The following GRIA4 variants were observed in gnomAD, a reference collection of about 807,000 sequenced individuals.
GRIA4 encodes glutamate receptor 4.
In GRIA4, 34 loss-of-function variants were observed where a neutral mutation model predicts 104.0. That is an observed-to-expected ratio of 0.33 (90% CI 0.25 to 0.44). The LOEUF (loss-of-function observed/expected upper bound fraction) is 0.44. GRIA4 is among the 20% of genes least tolerant of loss of function. GRIA4 has a pLI of 1.00. For missense variants in GRIA4, 750 were observed against 1,096.5 expected (o/e 0.68, Z 4.46); for synonymous variants, 386 against 381.9 (o/e 1.01, Z -0.13).
At chr11:105,655,087 A>G (rs1951802074) in intron 3 of GRIA4, among the ~76,000 whole-genome samples, 1 of 152,204 alleles carries the variant, frequency 6.6e-6, no homozygotes, top group Non-Finnish European at 1.5e-5. Flanking sequence ...ATATCCACAT[A>G]ACATAATTCT....
At chr11:105,765,956 A>G (rs1045409739) in intron 4 of GRIA4, among the ~76,000 whole-genome samples, 5 of 152,226 alleles carry the variant, frequency 3.3e-5, no homozygotes, top group African/African-American at 1.2e-4. Flanking sequence ...TGAAATTTGC[A>G]TAGTATGAAA....
At chr11:105,614,281 A>G (rs570082534) in intron 3 of GRIA4, 5 of 151,918 alleles carry the variant, frequency 3.3e-5, no homozygotes, top group Admixed American at 2.6e-4. Flanking sequence ...TAAATATTCT[A>G]AAGTTTGTAT....
At chr11:105,830,343 C>T (rs927980632) in intron 4 of GRIA4, among the ~76,000 whole-genome samples, 7 of 151,944 alleles carry the variant, frequency 4.6e-5, no homozygotes, top group East Asian at 1.9e-4. Flanking sequence ...TGAAAGTGGA[C>T]GTGGGAATTG....
At position 105,974,400 on chromosome 11, in the gene GRIA4, A is replaced by T. The variant is rs762181835; in HGVS notation, c.2500A>T (p.Ile834Leu). 6.2e-7 allele frequency: 1 copy of T among 1,613,958 alleles called. No individual in the cohort carries two copies. The highest frequency in any genetic ancestry group is 8.5e-7 in the Non-Finnish European group (1 of 1,179,886). ...GLGLAMLVALIEFCYKSRAEA... is the reference protein window; with the variant it reads ...GLGLAMLVALLEFCYKSRAEA... ...GGGCTTGGCAATGCTGGTGGCTTTG[A>T]TAGAGTTCTGTTACAAGTCCAGGGC... Residue 834 changes from isoleucine (I) to leucine (L), a missense_variant, in exon 16 of 17, where the codon ATA becomes TTA. Transcript: ENST00000282499.
chr11:105,969,852 A>G (rs1013439762), intron 14 of GRIA4, among the ~76,000 whole-genome samples: 22 of 152,152 alleles, frequency 1.4e-4, no homozygotes, highest in African/African-American at 5.3e-4. Context: ...TAGAGCACCT[A>G]CTCTGAGTCA....
At chr11:105,826,538 TGATA>T (rs1239474772) in intron 4 of GRIA4, among the ~76,000 whole-genome samples, 1 of 152,094 alleles carries the variant, frequency 6.6e-6, no homozygotes, top group Non-Finnish European at 1.5e-5. Flanking sequence ...AGGTTTGTCA[TGATA>T]GATTGCAGGA....
intron 3 of GRIA4, among the ~76,000 whole-genome samples, chr11:105,632,936 A>G (rs939151636): frequency 1.3e-5 from 2 of 152,198 alleles, no homozygotes; most frequent in African/African-American, 4.8e-5. Context: ...GCACATTTCA[A>G]TGGCTGATGG....
intron 3 of GRIA4, among the ~76,000 whole-genome samples, chr11:105,637,672 TC>T (rs1951243249): frequency 1.3e-5 from 2 of 152,172 alleles, no homozygotes; most frequent in African/African-American, 4.8e-5. Flanking sequence ...GGAGAGTGTC[TC>T]CTGCATGTTT....
At chr11:105,831,884 A>T (rs376677468) in intron 4 of GRIA4, among the ~76,000 whole-genome samples, 212 of 152,152 alleles carry the variant, frequency 1.4e-3, no homozygotes, top group African/African-American at 4.8e-3. Context: ...AACATCCACC[A>T]TATCCCTGGC....
chr11:105,853,302 C>A (rs1218708258), intron 4 of GRIA4, among the ~76,000 whole-genome samples: 1 of 152,094 alleles, frequency 6.6e-6, no homozygotes, highest in African/African-American at 2.4e-5. Flanking sequence ...GTTTCTGAAG[C>A]TTATTTTAGC....
At chr11:105,638,390 G>C (rs147194916) in intron 3 of GRIA4, among the ~76,000 whole-genome samples, 168 of 152,244 alleles carry the variant, frequency 1.1e-3, no homozygotes, top group African/African-American at 3.7e-3. Flanking sequence ...CCCTGAACCT[G>C]CTGACAACTG....
intron 15 of GRIA4, among the ~76,000 whole-genome samples, chr11:105,972,904 T>A (rs577583220): frequency 6.6e-6 from 1 of 152,268 alleles, no homozygotes; most frequent in African/African-American, 2.4e-5. Flanking sequence ...TACTGGATAT[T>A]CTAAGATATT....
At chr11:105,801,551 T>TA (rs931188599) in intron 4 of GRIA4, among the ~76,000 whole-genome samples, 1 of 152,078 alleles carries the variant, frequency 6.6e-6, no homozygotes, top group African/African-American at 2.4e-5. Flanking sequence ...CCATTAAAGT[T>TA]AGAGACATAA....
chr11:105,630,469 C>G (rs1468157798), intron 3 of GRIA4, among the ~76,000 whole-genome samples: 1 of 152,050 alleles, frequency 6.6e-6, no homozygotes, highest in African/African-American at 2.4e-5. Flanking sequence ...GAGGCTGAGA[C>G]AGGAGAATCG....
chr11:105,928,029 T>C (rs1253464164), intron 13 of GRIA4, among the ~76,000 whole-genome samples: 2 of 152,034 alleles, frequency 1.3e-5, no homozygotes, highest in African/African-American at 4.8e-5. Context: ...TAAATGTATT[T>C]ATTTATAATC....
At chr11:105,670,012 T>C (rs1328428046) in intron 3 of GRIA4, among the ~76,000 whole-genome samples, 2 of 152,130 alleles carry the variant, frequency 1.3e-5, no homozygotes, top group African/African-American at 2.4e-5. Flanking sequence ...ATTTAAAATG[T>C]AGGCTGTCAA....
At chr11:105,793,510 C>T (rs923597648) in intron 4 of GRIA4, among the ~76,000 whole-genome samples, 1 of 152,162 alleles carries the variant, frequency 6.6e-6, no homozygotes, top group African/African-American at 2.4e-5. Context: ...GAGAGCTCCA[C>T]AATGCAGGAC....
intron 14 of GRIA4, chr11:105,965,856 G>T (rs189142298): frequency 2.2e-6 from 2 of 906,346 alleles, no homozygotes; most frequent in Non-Finnish European, 3.5e-6. Flanking sequence ...TTTAGCGTCT[G>T]GGAGAAGCTT....
At chr11:105,768,281 T>C (rs949932446) in intron 4 of GRIA4, among the ~76,000 whole-genome samples, 1 of 152,050 alleles carries the variant, frequency 6.6e-6, no homozygotes, top group Non-Finnish European at 1.5e-5. Flanking sequence ...GCATTTATAT[T>C]GAAGAAAAAC....
Sources: gnomAD v4.1 joint callset for allele counts (sites outside exome capture counted in the v4.1 genomes callset) on GRCh38, gnomAD v4.1.1 for gene constraint, MANE v1.5 for transcripts, NCBI Gene and HGNC (gene_info 2026-07-23, HGNC 2026-07-21) for gene names.